B3GALNT2: variants seen among roughly 807,000 people sequenced by gnomAD.
B3GALNT2 encodes UDP-GalNAc:beta-1,3-N-acetylgalactosaminyltransferase 2.
B3GALNT2 carries 53 observed loss-of-function variants against 61.1 expected under a neutral mutation model. The observed-to-expected ratio is 0.87, with a 90% CI of 0.70 to 1.09. The LOEUF (loss-of-function observed/expected upper bound fraction) is 1.09. B3GALNT2 is among the 50% of genes least tolerant of loss of function. The probability of loss-of-function intolerance (pLI) is 0.00; values close to 1 mark genes in which losing one functional copy is unlikely to be tolerated. For missense variants in B3GALNT2, 544 were observed against 623.0 expected (o/e 0.87, Z 1.35); for synonymous variants, 223 against 237.4 (o/e 0.94, Z 0.56).
At chr1:235,456,914 T>C (rs1289321210) in intron 8 of B3GALNT2, among the ~76,000 whole-genome samples, 3 of 152,128 alleles carry the variant, frequency 2.0e-5, no homozygotes, top group African/African-American at 7.2e-5. Context: ...TTTTTCTTAC[T>C]ACAGCTGCCT....
In B3GALNT2 at chr1:235,458,647, G is replaced by A. The variant is rs1346767078; in HGVS notation, c.981C>T (p.Asp327=). 1.2e-6 allele frequency: 2 copies of A among 1,612,106 alleles called. No homozygotes were observed. The highest frequency in any genetic ancestry group is 2.7e-5 in the African/African-American group (2 of 74,766). The change falls in exon 8 of 12, where the codon GAC becomes GAT. Residue 327 remains aspartate (D), a synonymous_variant. Coordinates refer to ENST00000366600, the MANE Select transcript of B3GALNT2 (RefSeq NM_152490.5). ...YDDIVFVDVV[D]TYRNVPAKLL... ...ATTTTGCAGGAACATTACGATAAGT[G>A]TCGACAACATCCACAAAAACAATAT...
In B3GALNT2 at chr1:235,504,369, C is replaced by G. The variant is rs1436717528; in HGVS notation, c.-117G>C. On this transcript the variant is annotated 5_prime_UTR_variant, in exon 1 of 12. Coordinates refer to ENST00000366600, the MANE Select transcript of B3GALNT2 (RefSeq NM_152490.5). Reference sequence around the variant, plus strand: ...AGCGACCACTCCGAGCACGCCCGCCCTCGCGCTCGGCGACGTCTGGGGGGC... The same window carrying G: ...AGCGACCACTCCGAGCACGCCCGCCGTCGCGCTCGGCGACGTCTGGGGGGC... 1 of 1,221,792 alleles carries G rather than the reference C, an allele frequency of 8.2e-7. No homozygotes were observed. The highest frequency in any genetic ancestry group is 3.3e-5 in the Admixed American group (1 of 30,738). 75.7% of individuals were successfully genotyped at this position (1,221,792 alleles called of 1,614,324 possible).
At chr1:235,495,578 C>T (rs557159677) in intron 1 of B3GALNT2, among the ~76,000 whole-genome samples, 17 of 151,952 alleles carry the variant, frequency 1.1e-4, no homozygotes, top group Non-Finnish European at 2.2e-4. Context: ...TCATTCTGAA[C>T]GGCTCATTTT....
intron 2 of B3GALNT2, among the ~76,000 whole-genome samples, chr1:235,490,530 C>T (rs1173771276): frequency 1.3e-5 from 2 of 152,114 alleles, no homozygotes; most frequent in African/African-American, 4.8e-5. Flanking sequence ...TGTGTCCGGA[C>T]CTGAATTAGT....
chr1:235,494,575 G>T, intron 2 of B3GALNT2, 106 bp downstream of exon 2: 1 of 1,242,730 alleles, frequency 8.0e-7, no homozygotes, highest in Non-Finnish European at 1.1e-6. Context: ...TTCCACCTCA[G>T]CCTCCCCGGT....
At chr1:235,477,799 C>A (rs1684358905) in intron 5 of B3GALNT2, among the ~76,000 whole-genome samples, 1 of 152,162 alleles carries the variant, frequency 6.6e-6, no homozygotes. Flanking sequence ...AAGAATAGGA[C>A]CCCCTCAATC....
chr1:235,489,866 C>T (rs2102854772), intron 2 of B3GALNT2, among the ~76,000 whole-genome samples: 1 of 152,324 alleles, frequency 6.6e-6, no homozygotes, highest in African/African-American at 2.4e-5. Flanking sequence ...TCTTACTTCC[C>T]ACTCATTTTA....
intron 6 of B3GALNT2, among the ~76,000 whole-genome samples, chr1:235,470,367 G>C (rs1053349737): frequency 2.6e-5 from 4 of 151,976 alleles, no homozygotes; most frequent in Admixed American, 2.6e-4. Context: ...TAGGTGGGCG[G>C]ATCACTTGAG....
rs994758618 is a variant in B3GALNT2 at position 235,448,273 on chromosome 1, G to GGTCTC, written c.*1928_*1932dup. On this transcript the variant is annotated 3_prime_UTR_variant, in exon 12 of 12. Coordinates refer to ENST00000366600, the MANE Select transcript of B3GALNT2 (RefSeq NM_152490.5). The stretch of plus-strand genomic sequence containing the variant: ...ACAGCTATCATTGCAATGATACTGT[G>GGTCTC]GTCTCATCACATGAGCTAGTTTTAC... 2 of 1,055,442 alleles carry GGTCTC rather than the reference G, an allele frequency of 1.9e-6. No homozygotes were observed. The highest frequency in any genetic ancestry group is 3.2e-5 in the African/African-American group (2 of 62,968). The allele number at this position is 1,055,442 out of a possible 1,614,324, so 65.4% of individuals were successfully genotyped here. A position where few individuals can be genotyped will look rare whatever the true frequency, so the allele number is the denominator to read the frequency against.
Position 235,486,537 on chromosome 1 carries a change from G to A in B3GALNT2, c.362-2022C>T, listed in dbSNP as rs1322206702. On this transcript the variant is annotated intron_variant, in intron 3 of 11. Transcript: ENST00000366600. ...CCTTCTACCACAGCCACAGTATCACGATGATTAATGCTTACCATGACCTTC... is the reference window on the plus strand; with the variant it reads ...CCTTCTACCACAGCCACAGTATCACAATGATTAATGCTTACCATGACCTTC... 3.3e-5 allele frequency among the ~76,000 whole-genome samples: 5 copies of A among 152,124 alleles called. No individual in the cohort carries two copies. The East Asian group carries it at 5.8e-4, about 18-fold the overall frequency.
intron 1 of B3GALNT2, among the ~76,000 whole-genome samples, chr1:235,498,677 T>A (rs1007552098): frequency 6.6e-6 from 1 of 151,488 alleles, no homozygotes; most frequent in Non-Finnish European, 1.5e-5. Context: ...CTCATCTCTA[T>A]TAAAAATACA....
At chr1:235,476,038 T>C (rs1006277553) in intron 5 of B3GALNT2, among the ~76,000 whole-genome samples, 4 of 152,034 alleles carry the variant, frequency 2.6e-5, no homozygotes, top group African/African-American at 9.7e-5. Flanking sequence ...ATAAAGGTAA[T>C]AAAATCAAGT....
chr1:235,489,131 A>G (rs1684942450), intron 3 of B3GALNT2, 37 bp downstream of exon 3: 1 of 1,608,848 alleles, frequency 6.2e-7, no homozygotes. Context: ...CTCAACATCA[A>G]GCTTGTGTAT....
At chr1:235,457,019 C>CCCA (rs1683195794) in intron 8 of B3GALNT2, among the ~76,000 whole-genome samples, 1 of 152,080 alleles carries the variant, frequency 6.6e-6, no homozygotes. Flanking sequence ...ATTAATTTGC[C>CCCA]CCAGCAGGCC....
chr1:235,477,972 C>T (rs1305304934), intron 5 of B3GALNT2, among the ~76,000 whole-genome samples: 2 of 152,174 alleles, frequency 1.3e-5, no homozygotes, highest in African/African-American at 4.8e-5. Context: ...AGGAAATAGA[C>T]ACAGTGAGAT....
At chr1:235,441,952 C>T in the B3GALNT2 span, 2 of 1,382,914 alleles carry the variant, frequency 1.4e-6, no homozygotes, top group Non-Finnish European at 2.0e-6. Flanking sequence ...TAGTGTGTTT[C>T]TCTTAAGTGT....
At chr1:235,445,533 G>A (rs531516531), downstream of B3GALNT2, among the ~76,000 whole-genome samples, 2 of 152,268 alleles carry the variant, frequency 1.3e-5, no homozygotes, top group East Asian at 1.9e-4. Context: ...CTGCTTGGGC[G>A]GCTGAGGTGG....
chr1:235,503,473 G>T (rs1222338323), intron 1 of B3GALNT2, among the ~76,000 whole-genome samples: 7 of 152,204 alleles, frequency 4.6e-5, no homozygotes, highest in Non-Finnish European at 1.0e-4. Context: ...AAATGGACAC[G>T]ATCGTTAAAG....
chr1:235,499,684 C>G (rs1685498775), intron 1 of B3GALNT2, among the ~76,000 whole-genome samples: 2 of 152,108 alleles, frequency 1.3e-5, no homozygotes, highest in South Asian at 4.1e-4. Context: ...CATTTCTGTG[C>G]TTAGGTTTAA....
Sources: allele counts gnomAD v4.1 joint callset (sites outside exome capture counted in the v4.1 genomes callset), GRCh38; gene constraint gnomAD v4.1.1; transcripts MANE v1.5; gene names NCBI Gene and HGNC (gene_info 2026-07-23, HGNC 2026-07-21).